The following ERI1 variants were observed in gnomAD, a reference collection of about 807,000 sequenced individuals.
The protein encoded by ERI1 is 3'-5' exoribonuclease 1.
Under a neutral mutation model 39.7 loss-of-function variants are expected in ERI1, and 39 were observed. That is an observed-to-expected ratio of 0.98 (90% CI 0.76 to 1.28). ERI1 has a LOEUF of 1.28. Ranked by LOEUF, ERI1 falls within the 50% of genes most tolerant of loss-of-function variation. ERI1 has a pLI of 0.00. For synonymous variants in ERI1, 204 were observed against 149.6 expected (o/e 1.36, Z -2.65); for missense variants, 581 against 416.9 (o/e 1.39, Z -3.43).
At chr8:9,065,009 C>G (rs1798830896) in intron 3 of ERI1, among the ~76,000 whole-genome samples, 2 of 152,144 alleles carry the variant, frequency 1.3e-5, no homozygotes, top group Middle Eastern at 6.8e-3. Flanking sequence ...AGTAGGGGAG[C>G]TTTTGAGCCA....
chr8:9,037,698 C>G (rs150687287), downstream of ERI1, among the ~76,000 whole-genome samples: 425 of 152,200 alleles, frequency 2.8e-3, 22 homozygotes, highest in Admixed American at 0.026. Flanking sequence ...GAATGAGTTA[C>G]TGTTTTGGCA....
chr8:9,095,591 A>T (rs1457479703), intron 3 of ERI1, among the ~76,000 whole-genome samples: 1 of 152,036 alleles, frequency 6.6e-6, no homozygotes, highest in Non-Finnish European at 1.5e-5. Context: ...CTGCAGCCTC[A>T]ACTTCCTGGG....
At chr8:9,045,651 C>G (rs1250606046) in intron 3 of ERI1, among the ~76,000 whole-genome samples, 1 of 151,006 alleles carries the variant, frequency 6.6e-6, no homozygotes, top group Non-Finnish European at 1.5e-5. Flanking sequence ...ATAAATAAAT[C>G]TAATTTATCA....
chr8:9,003,996 A>T, intron 1 of ERI1: 1 of 995,292 alleles, frequency 1.0e-6, no homozygotes, highest in African/African-American at 1.7e-5. Context: ...AGTCACTTCC[A>T]TTTGCTGCTC....
In ERI1 at chr8:9,010,321, T is replaced by A. The variant is rs111994109; in HGVS notation, c.288-1221T>A. On this transcript the variant is annotated intron_variant, in intron 2 of 6. Transcript: ENST00000250263. The stretch of plus-strand genomic sequence containing the variant: ...CCCACCCCACAACAATAACAACCAA[T>A]AAAAAGATAAAAAAAGAAAGTAATC... Among the ~76,000 whole-genome samples the A allele has an allele frequency of 8.9e-3, 1,348 of 151,944 alleles. 20 individuals carry two copies. Among genetic ancestry groups the A allele is most frequent in the African/African-American group, 0.031 (1,294 of 41,432 alleles).
At chr8:9,077,771 C>T (rs1030318281) in intron 3 of ERI1, among the ~76,000 whole-genome samples, 1 of 152,206 alleles carries the variant, frequency 6.6e-6, no homozygotes. Flanking sequence ...CCCCTTTAGT[C>T]AGATAAGAGA....
chr8:9,043,439 A>C (rs111595657), intron 3 of ERI1, among the ~76,000 whole-genome samples: 1 of 152,190 alleles, frequency 6.6e-6, no homozygotes, highest in Non-Finnish European at 1.5e-5. Flanking sequence ...GGCCAGGCCT[A>C]AATCAAAGAG....
downstream of ERI1, among the ~76,000 whole-genome samples, chr8:9,033,927 G>T (rs138481323): frequency 8.7e-4 from 133 of 152,340 alleles, no homozygotes; most frequent in African/African-American, 2.9e-3. Flanking sequence ...GAGGTAATTT[G>T]ATGTTCATTC....
At chr8:9,033,679 G>A (rs1797740586), downstream of ERI1, among the ~76,000 whole-genome samples, 1 of 152,190 alleles carries the variant, frequency 6.6e-6, no homozygotes, top group South Asian at 2.1e-4. Flanking sequence ...GTTTACAGAT[G>A]GGAAAGTTGA....
chr8:9,054,516 ATTTATTTGATTCTAGT>A (rs1348999747), intron 3 of ERI1, among the ~76,000 whole-genome samples: 1 of 152,178 alleles, frequency 6.6e-6, no homozygotes, highest in Non-Finnish European at 1.5e-5. Flanking sequence ...AGCACAACAA[ATTTATTTGATTCTAGT>A]TTTATGTGGC....
chr8:9,054,419 G>A (rs1250051493), intron 3 of ERI1, among the ~76,000 whole-genome samples: 1 of 152,062 alleles, frequency 6.6e-6, no homozygotes, highest in Non-Finnish European at 1.5e-5. Context: ...ATTGGAGTGA[G>A]GATTGTAGCG....
At chr8:9,014,413 C>T (rs530501402) in intron 3 of ERI1, among the ~76,000 whole-genome samples, 1 of 152,156 alleles carries the variant, frequency 6.6e-6, no homozygotes, top group Non-Finnish European at 1.5e-5. Flanking sequence ...TCTGACCCCC[C>T]TTACTGCTCT....
intron 6 of ERI1, among the ~76,000 whole-genome samples, chr8:9,022,771 T>A (rs1211831091): frequency 1.3e-5 from 2 of 152,204 alleles, no homozygotes; most frequent in African/African-American, 4.8e-5. Context: ...ATGGAAAATT[T>A]CAAACATAAC....
At chr8:9,025,129 A>G (rs1490079217) in intron 6 of ERI1, among the ~76,000 whole-genome samples, 2 of 152,200 alleles carry the variant, frequency 1.3e-5, no homozygotes, top group Admixed American at 1.3e-4. Context: ...TCTCAGGCTG[A>G]GCAGAGATTC....
At chr8:9,067,800 G>T (rs1038718303) in intron 3 of ERI1, among the ~76,000 whole-genome samples, 13 of 152,032 alleles carry the variant, frequency 8.6e-5, no homozygotes, top group African/African-American at 2.9e-4. Context: ...AGTCTGAGCA[G>T]AACTGGGACA....
intron 3 of ERI1, among the ~76,000 whole-genome samples, chr8:9,081,813 C>T (rs896710353): frequency 6.6e-6 from 1 of 151,880 alleles, no homozygotes; most frequent in Non-Finnish European, 1.5e-5. Context: ...GGGAGGGGTG[C>T]TCCAAAGCCA....
intron 3 of ERI1, among the ~76,000 whole-genome samples, chr8:9,013,853 G>A (rs1007229654): frequency 3.3e-5 from 5 of 152,004 alleles, no homozygotes; most frequent in Non-Finnish European, 5.9e-5. Flanking sequence ...TTCCTGTTTG[G>A]CTCTGCCTTC....
intron 6 of ERI1, 104 bp from the exon 7 acceptor site, chr8:9,029,688 A>G: frequency 7.3e-7 from 1 of 1,364,420 alleles, no homozygotes; most frequent in Non-Finnish European, 1.0e-6. Context: ...AGCTTTATTT[A>G]GCTGTTAGTG....
downstream of ERI1, among the ~76,000 whole-genome samples, chr8:9,037,023 C>T (rs1024822058): frequency 2.6e-5 from 4 of 152,144 alleles, no homozygotes; most frequent in Admixed American, 6.6e-5. Flanking sequence ...CTGTTATCAT[C>T]ATTGCTACAC....
Sources: gnomAD v4.1 joint callset for allele counts (sites outside exome capture counted in the v4.1 genomes callset) on GRCh38, gnomAD v4.1.1 for gene constraint, MANE v1.5 for transcripts, NCBI Gene and HGNC (gene_info 2026-07-23, HGNC 2026-07-21) for gene names.